Variants in CTSB observed in about 807,000 individuals in gnomAD.
CTSB encodes the protein cathepsin B.
CTSB carries 57 observed loss-of-function variants against 44.3 expected under a neutral mutation model. The observed-to-expected ratio is 1.29, with a 90% CI of 1.04 to 1.60. The LOEUF is 1.60. CTSB is among the 40% of genes most tolerant of loss of function. CTSB has a pLI of 0.00. For synonymous variants in CTSB, 320 were observed against 168.0 expected, an observed-to-expected ratio of 1.91 and a Z score of -7.00; for missense variants, 768 against 443.0, an observed-to-expected ratio of 1.73 and a Z score of -6.59.
At chr8:11,851,717 T>A (rs1375223206) in intron 3 of CTSB, among the ~76,000 whole-genome samples, 1 of 151,720 alleles carries the variant, frequency 6.6e-6, no homozygotes, top group African/African-American at 2.4e-5. Context: ...CATCCTCACG[T>A]GGGAAGTGGC....
At chr8:11,845,527 T>C in intron 9 of CTSB, 134 bp downstream of exon 9, 1 of 1,114,780 alleles carries the variant, frequency 9.0e-7, no homozygotes, top group Non-Finnish European at 1.3e-6. Flanking sequence ...TGCCTGGCAC[T>C]TAGGAGGAGC....
intron 1 of CTSB, chr8:11,865,599 GGAGA>G (rs371140128): frequency 1.1e-4 from 16 of 148,016 alleles, no homozygotes; most frequent in African/African-American, 3.8e-4. Context: ...AAAAAAAAAA[GGAGA>G]GAGAGAAAAG....
At chr8:11,846,814 G>C (rs1291576654) in intron 8 of CTSB, among the ~76,000 whole-genome samples, 1 of 152,222 alleles carries the variant, frequency 6.6e-6, no homozygotes, top group South Asian at 2.1e-4. Context: ...AACTAGCCCA[G>C]AGGCTCTGGG....
chr8:11,845,722 C>T lies in CTSB; in HGVS notation c.861G>A (p.Val287=), dbSNP rs781343900. Residue 287 remains valine (V), a synonymous_variant, in exon 9 of 10, where the codon GTG becomes GTA. Transcript: ENST00000353047. ...CCAGCCAGTAGGGTGTGCCATTCTCCACTCCCCAGCCCAGGATGCGGATGG... is the reference window on the plus strand; with the variant it reads ...CCAGCCAGTAGGGTGTGCCATTCTCTACTCCCCAGCCCAGGATGCGGATGG... The part of the protein sequence containing the change: ...GHAIRILGWG[V]ENGTPYWLVA... The T allele has an allele frequency of 5.6e-6, 9 of 1,614,134 alleles. No homozygotes were observed. In the South Asian group the frequency reaches 7.7e-5, roughly 14 times the overall value.
chr8:11,861,346 C>G (rs1221686095), intron 1 of CTSB: 2 of 152,564 alleles, frequency 1.3e-5, no homozygotes, highest in African/African-American at 2.4e-5. Context: ...AGAAGCCCCA[C>G]TCCACCTCCC....
In CTSB at chr8:11,849,110, G is replaced by T. The variant is rs756191567; in HGVS notation, c.382C>A (p.His128Asn). Reference protein sequence around the residue: ...SDRICIHTNAHVSVEVSAEDL... With the variant: ...SDRICIHTNANVSVEVSAEDL... ...TCCGCCGACACCTCCACGCTGACGTGCGCATTGGTGTGGATGCAGATCCGG... is the reference window on the plus strand; with the variant it reads ...TCCGCCGACACCTCCACGCTGACGTTCGCATTGGTGTGGATGCAGATCCGG... The change falls in exon 5 of 10, where the codon CAC (histidine) becomes AAC (asparagine). Residue 128 changes from histidine (H) to asparagine (N), a missense_variant. Transcript: ENST00000353047. 6.2e-7 allele frequency: 1 copy of T among 1,613,610 alleles called. No individual in the cohort carries two copies. Among genetic ancestry groups the T allele is most frequent in the East Asian group, 2.2e-5 (1 of 44,860 alleles).
At position 11,845,046 on chromosome 8, in the gene CTSB, T is replaced by A; in HGVS notation, c.*79A>T. On this transcript the variant is annotated 3_prime_UTR_variant, in exon 10 of 10. Transcript: ENST00000353047. Reference sequence around the variant, plus strand: ...CTTCAGACCCTGTCTGAAACTTGTATCTTACGTGAACTTAAAGAATAAAAT... The same window carrying A: ...CTTCAGACCCTGTCTGAAACTTGTAACTTACGTGAACTTAAAGAATAAAAT... The A allele has an allele frequency of 1.0e-6, 1 of 982,190 alleles. No homozygotes were observed. Among genetic ancestry groups the A allele is most frequent in the Non-Finnish European group, 1.6e-6 (1 of 621,124 alleles). The allele number at this position is 982,190 out of a possible 1,614,324, so 60.8% of individuals were successfully genotyped here. A position where few individuals can be genotyped will look rare whatever the true frequency, so the allele number is the denominator to read the frequency against.
Position 11,853,346 on chromosome 8 carries a change from G to A in CTSB, c.109C>T (p.Arg37Trp), listed in dbSNP as rs145545452. ...SDELVNYVNK[R>W]NTTWQAGHNF... is the part of the protein sequence containing the mutation. ...CAGCCTACCTGCCACGTGGTATTCC[G>A]TTTGTTGACATAGTTGACCAGCTCA... The change falls in exon 2 of 10, where the codon CGG (arginine) becomes TGG (tryptophan). Residue 37 changes from arginine (R) to tryptophan (W), a missense_variant. Transcript: ENST00000353047. 9.9e-6 allele frequency: 16 copies of A among 1,613,338 alleles called. No individual in the cohort carries two copies. The highest frequency in any genetic ancestry group is 5.4e-5 in the African/African-American group (4 of 74,752).
chr8:11,852,886 C>T (rs1814852491), intron 2 of CTSB, among the ~76,000 whole-genome samples, 191 bp from the exon 3 acceptor site: 1 of 152,174 alleles, frequency 6.6e-6, no homozygotes, highest in South Asian at 2.1e-4. Flanking sequence ...TGATCTGCTC[C>T]CATTTGCTGA....
At chr8:11,865,370 C>G (rs1047078152) in intron 1 of CTSB, 4 of 151,714 alleles carry the variant, frequency 2.6e-5, no homozygotes, top group African/African-American at 9.7e-5. Context: ...TGGCAAAACC[C>G]CCACATTGGG....
At chr8:11,847,582 A>G (rs1048540898) in intron 7 of CTSB, 97 bp downstream of exon 7, 8 of 1,362,838 alleles carry the variant, frequency 5.9e-6, no homozygotes, top group Admixed American at 2.6e-5. Context: ...CGGGACCCCA[A>G]GGCTCCTCAG....
intron 2 of CTSB, 41 bp downstream of exon 2, chr8:11,853,288 C>T (rs756136613): frequency 6.2e-7 from 1 of 1,608,620 alleles, no homozygotes; most frequent in South Asian, 1.1e-5. Flanking sequence ...CACAGACCGA[C>T]CTGGGAGGGG....
chr8:11,845,980 C>T (rs1211998319), intron 8 of CTSB, among the ~76,000 whole-genome samples, 191 bp from the exon 9 acceptor site: 2 of 152,198 alleles, frequency 1.3e-5, no homozygotes, highest in Non-Finnish European at 2.9e-5. Context: ...AGGCCCAACA[C>T]ACTCAAAGTT....
chr8:11,867,697 G>A (rs1817366892), intron 1 of CTSB: 1 of 152,262 alleles, frequency 6.6e-6, no homozygotes, highest in Non-Finnish European at 1.5e-5. Flanking sequence ...GGTCCTGGCC[G>A]CGTCCCCGCT....
At chr8:11,863,086 G>A (rs563182935) in intron 1 of CTSB, among the ~76,000 whole-genome samples, 1 of 152,336 alleles carries the variant, frequency 6.6e-6, no homozygotes, top group East Asian at 1.9e-4. Context: ...GCCAAGGTGG[G>A]AAGATTGACT....
intron 7 of CTSB, among the ~76,000 whole-genome samples, chr8:11,847,430 A>T (rs140649559): frequency 1.2e-4 from 18 of 152,158 alleles, no homozygotes; most frequent in African/African-American, 4.1e-4. Flanking sequence ...AGGACACGCC[A>T]CTCCCTTGTA....
chr8:11,843,974 A>C lies in CTSB; in HGVS notation c.*1151T>G, dbSNP rs572698799. On this transcript the variant is annotated 3_prime_UTR_variant, in exon 10 of 10. Coordinates refer to ENST00000353047, the MANE Select transcript of CTSB (RefSeq NM_001908.5). ...TTGAATCTAGGAGGCTGCAGGTTGC[A>C]GTGAGCTGAGAAGGCGCCACTGCAC... 2 of 152,366 alleles carry C rather than the reference A, an allele frequency of 1.3e-5. No individual in the cohort carries two copies. Among genetic ancestry groups the C allele is most frequent in the African/African-American group, 2.4e-5 (1 of 41,574 alleles). The allele number at this position is 152,366 out of a possible 1,614,324, so 9.4% of individuals were successfully genotyped here.
At chr8:11,847,877 T>C (rs1217208291) in intron 6 of CTSB, 55 bp from the exon 7 acceptor site, 2 of 1,404,906 alleles carry the variant, frequency 1.4e-6, no homozygotes, top group African/African-American at 2.5e-5. Flanking sequence ...GGAGAAGACC[T>C]GGGGCAAGGC....
chr8:11,852,657 C>T lies in CTSB; in HGVS notation c.165G>A (p.Leu55=), dbSNP rs1002298808. The T allele has an allele frequency of 6.2e-7, 1 of 1,614,102 alleles. No homozygotes were observed. Among genetic ancestry groups the T allele is most frequent in the Non-Finnish European group, 8.5e-7 (1 of 1,180,026 alleles). ...HNFYNVDMSY[L]KRLCGTFLGG... Reference sequence around the variant, plus strand: ...CCAGGAAGGTACCACATAGCCTCTTCAAGTAGCTCATGTCCACGTTGTAGA... The same window carrying T: ...CCAGGAAGGTACCACATAGCCTCTTTAAGTAGCTCATGTCCACGTTGTAGA... The change falls in exon 3 of 10, where the codon TTG becomes TTA. Residue 55 remains leucine (L), a synonymous_variant. Transcript: ENST00000353047.
Sources: gnomAD v4.1 joint callset for allele counts (sites outside exome capture counted in the v4.1 genomes callset) on GRCh38, gnomAD v4.1.1 for gene constraint, MANE v1.5 for transcripts, NCBI Gene and HGNC (gene_info 2026-07-23, HGNC 2026-07-21) for gene names.